The following DOK4 variants were observed in gnomAD, a reference collection of about 807,000 sequenced individuals.
The protein encoded by DOK4 is downstream of tyrosine kinase 4.
In DOK4, 26 loss-of-function variants were observed where a neutral mutation model predicts 40.1. That is an observed-to-expected ratio of 0.65 (90% CI 0.48 to 0.90). The LOEUF is 0.90. Among genes scored for constraint, DOK4 ranks in the 40% least tolerant of loss-of-function variants. The probability of loss-of-function intolerance (pLI) is 0.00; values close to 1 mark genes in which losing one functional copy is unlikely to be tolerated. For missense variants in DOK4, 392 were observed against 437.2 expected (o/e 0.90, Z 0.92); for synonymous variants, 179 against 177.0 (o/e 1.01, Z -0.09).
chr16:57,481,193 G>A (rs1402728442), intron 1 of DOK4, among the ~76,000 whole-genome samples: 1 of 152,196 alleles, frequency 6.6e-6, no homozygotes, highest in East Asian at 1.9e-4. Flanking sequence ...TGCCTAACAA[G>A]GAACAGATGG....
intron 4 of DOK4, 117 bp downstream of exon 4, chr16:57,475,389 A>C: frequency 5.9e-6 from 8 of 1,363,254 alleles, no homozygotes; most frequent in Non-Finnish European, 8.1e-6. Context: ...CCCCAACCCC[A>C]CACACACCAC....
intron 6 of DOK4, 59 bp downstream of exon 6, chr16:57,474,734 T>C: frequency 6.3e-7 from 1 of 1,583,150 alleles, no homozygotes; most frequent in Non-Finnish European, 8.6e-7. Flanking sequence ...CAACACAGAG[T>C]GAATGGCAGC....
intron 1 of DOK4, 113 bp downstream of exon 1, chr16:57,486,192 G>A (rs1475231576): frequency 2.0e-5 from 3 of 152,202 alleles, no homozygotes; most frequent in African/African-American, 7.2e-5. Flanking sequence ...ATGGGACGGA[G>A]CGTCCTCAGG....
Position 57,473,942 on chromosome 16 carries a change from G to A in DOK4, c.697C>T (p.Gln233Ter). 1 of 1,612,294 alleles carries A rather than the reference G, an allele frequency of 6.2e-7. No homozygotes were observed. Among genetic ancestry groups the A allele is most frequent in the Non-Finnish European group, 8.5e-7 (1 of 1,179,286 alleles). Reference sequence around the variant, plus strand: ...ATTTCCAGCAGGACCCGCTTGTGCTGCTCTGCGATGGCCAGGGTGGCACTG... The same window carrying A: ...ATTTCCAGCAGGACCCGCTTGTGCTACTCTGCGATGGCCAGGGTGGCACTG... The change falls in exon 7 of 9, where the codon CAG (glutamine) becomes TAG (stop). Residue 233 changes from glutamine to a stop codon, truncating the protein, a stop_gained. Coordinates refer to ENST00000340099, the Ensembl canonical transcript of DOK4. LOFTEE classifies it high-confidence loss of function.
exon 9 of DOK4, chr16:57,473,173 T>A: frequency 1.5e-6 from 1 of 663,858 alleles, no homozygotes; most frequent in Non-Finnish European, 2.5e-6. Flanking sequence ...AGTCCCACGG[T>A]AGCTCCAACC....
At chr16:57,475,349 C>G (rs2031100350) in intron 4 of DOK4, 130 bp from the exon 5 acceptor site, 1 of 1,490,276 alleles carries the variant, frequency 6.7e-7, no homozygotes, top group African/African-American at 1.4e-5. Context: ...TGTCTTGCCT[C>G]AACCCTGAGG....
chr16:57,475,754 T>G, intron 3 of DOK4, 96 bp downstream of exon 3: 1 of 680,656 alleles, frequency 1.5e-6, no homozygotes, highest in Non-Finnish European at 2.2e-6. Context: ...CTCTCCCCCT[T>G]TCTCCCCTCT....
At chr16:57,474,154 G>GT (rs1399945870) in intron 6 of DOK4, 115 bp from the exon 7 acceptor site, 14 of 1,449,728 alleles carry the variant, frequency 9.7e-6, no homozygotes, top group Non-Finnish European at 1.3e-5. Flanking sequence ...GGGAGGACAG[G>GT]TAGGGCTGTG....
chr16:57,475,154 T>C, exon 5 of DOK4: 1 of 1,613,912 alleles, frequency 6.2e-7, no homozygotes, highest in African/African-American at 1.3e-5. Context: ...CCCAGACTGA[T>C]GTCGTTGAGG....
At chr16:57,482,363 G>GTTTTTTTTTT (rs11390639) in intron 1 of DOK4, among the ~76,000 whole-genome samples, 1 of 93,036 alleles carries the variant, frequency 1.1e-5, no homozygotes, top group Admixed American at 1.3e-4. Context: ...TGGGGCTTTT[G>GTTTTTTTTTT]TTTTTTTTTT....
upstream of DOK4, chr16:57,486,505 C>CCT (rs2031547196): frequency 6.6e-6 from 1 of 151,184 alleles, no homozygotes; most frequent in Non-Finnish European, 1.5e-5. Flanking sequence ...CTCCGCTCCC[C>CCT]CCTCCGCCAG....
exon 9 of DOK4, chr16:57,472,348 C>T (rs1336847499): frequency 6.6e-6 from 1 of 152,666 alleles, no homozygotes; most frequent in Non-Finnish European, 1.5e-5. Flanking sequence ...AGAAAGATAG[C>T]CCTTCTGCAT....
chr16:57,480,078 T>A (rs896663198), intron 1 of DOK4, among the ~76,000 whole-genome samples: 1 of 152,120 alleles, frequency 6.6e-6, no homozygotes, highest in African/African-American at 2.4e-5. Flanking sequence ...GGTGCAAATT[T>A]AGGTCAACTT....
intron 1 of DOK4, among the ~76,000 whole-genome samples, chr16:57,482,568 C>T (rs897340704): frequency 4.6e-5 from 7 of 151,804 alleles, no homozygotes; most frequent in East Asian, 1.9e-4. Context: ...GGGGTTTCAC[C>T]GTGTTAGCCA....
exon 9 of DOK4, chr16:57,473,149 C>T: frequency 3.4e-6 from 2 of 584,640 alleles, no homozygotes; most frequent in South Asian, 4.6e-5. Flanking sequence ...ATATTAAAAT[C>T]ATTAACAGTA....
exon 1 of DOK4, chr16:57,486,404 G>C (rs1164377581): frequency 6.6e-6 from 1 of 151,600 alleles, no homozygotes; most frequent in Non-Finnish European, 1.5e-5. Context: ...GCAGGGCGGC[G>C]GCGGCGCCGG....
exon 3 of DOK4, chr16:57,475,861 C>T (rs2031153018): frequency 3.1e-6 from 5 of 1,613,100 alleles, no homozygotes; most frequent in Non-Finnish European, 4.2e-6. Flanking sequence ...TTGGGGCAGC[C>T]CCGGAGGCAC....
exon 3 of DOK4, chr16:57,475,931 G>C: frequency 4.3e-6 from 7 of 1,613,410 alleles, no homozygotes; most frequent in Non-Finnish European, 5.9e-6. Context: ...AGGATTTCCG[G>C]AACACCAGCC....
At position 57,475,589 on chromosome 16, in the gene DOK4, G is replaced by GTAACACAC; in HGVS notation, c.198_205dup (p.Thr69SerfsTer33). 2 of 1,607,932 alleles carry GTAACACAC rather than the reference G, an allele frequency of 1.2e-6. No individual in the cohort carries two copies. Among genetic ancestry groups the GTAACACAC allele is most frequent in the Non-Finnish European group, 8.5e-7 (1 of 1,178,518 alleles). On this transcript the variant is annotated frameshift_variant, in exon 4 of 9. Coordinates refer to ENST00000340099, the Ensembl canonical transcript of DOK4. LOFTEE classifies it high-confidence loss of function. ...CCGCTTGGTCTCCTTGGGGAGCCGC[G>GTAACACAC]TAACACACTTGACGTTGCTGATCTC... is the stretch of plus-strand genomic sequence containing the variant.
Sources: allele counts gnomAD v4.1 joint callset (sites outside exome capture counted in the v4.1 genomes callset), GRCh38; gene constraint gnomAD v4.1.1; transcripts MANE v1.5; gene names NCBI Gene and HGNC (gene_info 2026-07-23, HGNC 2026-07-21).